Variants in MROH1 observed in about 807,000 individuals in gnomAD.
The protein encoded by MROH1 is maestro heat-like repeat-containing protein family member 1.
Under a neutral mutation model 116.5 loss-of-function variants are expected in MROH1, and 117 were observed. The ratio of observed to expected loss-of-function variants is 1.00; its 90% CI spans 0.86 to 1.17. The LOEUF (loss-of-function observed/expected upper bound fraction) is 1.17. Ranked by LOEUF, MROH1 falls within the 50% of genes most tolerant of loss-of-function variation. The pLI, the probability that MROH1 is intolerant of heterozygous loss-of-function variation, is 0.00. For synonymous variants in MROH1, 921 were observed against 583.9 expected (o/e 1.58, Z -8.32); for missense variants, 1,873 against 1,338.5 (o/e 1.40, Z -6.23).
In MROH1 at chr8:144,232,792, CTATTTATTTATTTATT is replaced by C. The variant is rs113198206; in HGVS notation, c.1339-5930_1339-5915del. 5.1e-3 allele frequency among the ~76,000 whole-genome samples: 702 copies of C among 138,016 alleles called. 4 individuals are homozygous for C. The highest frequency in any genetic ancestry group is 7.9e-3 in the Non-Finnish European group (508 of 64,516). 90.5% of individuals were successfully genotyped at this position (138,016 alleles called of 152,430 possible). On this transcript the variant is annotated intron_variant, in intron 14 of 43. Transcript: ENST00000326134. The stretch of plus-strand genomic sequence containing the variant: ...ACAGGCGTGAGCCACCGCACCTGGC[CTATTTATTTATTTATT>C]TATTTATTTATTTATTTATTTATTT...
In MROH1 at chr8:144,235,988, T is replaced by C. The variant is rs1839973951; in HGVS notation, c.1339-2768T>C. Among the ~76,000 whole-genome samples the C allele has an allele frequency of 2.0e-5, 3 of 152,358 alleles. No individual in the cohort carries two copies. In the South Asian group the frequency reaches 6.2e-4, roughly 32 times the overall value. ...TCCAGATGTTGGAATCAGGAAATTC[T>C]ACATGGAGACCATAATGTCACCTGA... On this transcript the variant is annotated intron_variant, in intron 14 of 43. Coordinates refer to ENST00000326134, the MANE Select transcript of MROH1 (RefSeq NM_032450.3).
chr8:144,206,936 G>A (rs1301511007), intron 12 of MROH1, among the ~76,000 whole-genome samples: 1 of 151,206 alleles, frequency 6.6e-6, no homozygotes, highest in African/African-American at 2.4e-5. Context: ...TGGAGGCTGA[G>A]GCAGGAGAAT....
chr8:144,261,003 C>T lies in MROH1; in HGVS notation c.4633C>T (p.His1545Tyr), dbSNP rs1272005644. The change falls in exon 41 of 44, where the codon CAC becomes TAC. Residue 1545 changes from histidine to tyrosine, a missense_variant. Transcript: ENST00000326134. ...QKHLQEGRALHFGEFLNTTCK... is the reference protein window; with the variant it reads ...QKHLQEGRALYFGEFLNTTCK... The stretch of plus-strand genomic sequence containing the variant: ...ACACCTGCAGGAGGGCCGAGCCCTG[C>T]ACTTCGGGGAGTTCCTCAACACCAC... 7.8e-6 allele frequency: 6 copies of T among 773,394 alleles called. No homozygotes were observed. The highest frequency in any genetic ancestry group is 1.4e-5 in the Non-Finnish European group (6 of 416,002). The allele number at this position is 773,394 out of a possible 1,614,324, so 47.9% of individuals were successfully genotyped here. A position where few individuals can be genotyped will look rare whatever the true frequency, so the allele number is the denominator to read the frequency against.
rs1205994103 is a variant in MROH1 at position 144,250,326 on chromosome 8, G to A, written c.3388G>A (p.Val1130Met). ...YLLATQHCAA[V>M]VSSLLGSPLP... ...CCTGGCCACCCAGCACTGCGCAGCC[G>A]TGGTGTCCAGCCTCCTGGGCAGCCC... Residue 1130 changes from valine to methionine, a missense_variant, in exon 33 of 44, where the codon GTG becomes ATG. By Grantham distance (21) the Val-to-Met change is conservative (BLOSUM62 1). Coordinates refer to ENST00000326134, the MANE Select transcript of MROH1 (RefSeq NM_032450.3). 2.3e-5 allele frequency: 18 copies of A among 767,720 alleles called. No individual in the cohort carries two copies. The highest frequency in any genetic ancestry group is 2.5e-4 in the Middle Eastern group (1 of 4,060). 47.6% of individuals were successfully genotyped at this position (767,720 alleles called of 1,614,324 possible). A position where few individuals can be genotyped will look rare whatever the true frequency, so the allele number is the denominator to read the frequency against.
chr8:144,258,019 CCACT>C (rs1844232959), intron 35 of MROH1, among the ~76,000 whole-genome samples: 1 of 152,206 alleles, frequency 6.6e-6, no homozygotes, highest in African/African-American at 2.4e-5. Context: ...TACGCCCCAC[CCACT>C]GGCAGCCAGG....
At chr8:144,191,588 C>T in intron 8 of MROH1, 127 bp from the exon 9 acceptor site, 2 of 1,290,402 alleles carry the variant, frequency 1.5e-6, no homozygotes, top group Non-Finnish European at 2.1e-6. Flanking sequence ...GCTCACGTCC[C>T]AGCCCCCGTA....
At chr8:144,217,026 G>T (rs188759718) in intron 12 of MROH1, among the ~76,000 whole-genome samples, 130 of 152,254 alleles carry the variant, frequency 8.5e-4, no homozygotes, top group Admixed American at 1.9e-3. Flanking sequence ...TGTAAGAAAT[G>T]ATTGCTTATT....
At position 144,248,791 on chromosome 8, in the gene MROH1, C is replaced by T. The variant is rs1026439525; in HGVS notation, c.3121-86C>T. 4.0e-3 allele frequency: 2,869 copies of T among 725,432 alleles called. 36 individuals carry two copies. Among genetic ancestry groups the T allele is most frequent in the African/African-American group, 0.038 (2,168 of 57,564 alleles). The allele number at this position is 725,432 out of a possible 1,614,324, so 44.9% of individuals were successfully genotyped here. ...GAAGGGGTGTGGCTTCCCGCCCTAA[C>T]GCGAGCCCCTGAGACCCGATGCCTA... On this transcript the variant is annotated intron_variant, in intron 31 of 43. Transcript: ENST00000326134.
chr8:144,201,610 G>C (rs539027391), intron 12 of MROH1, among the ~76,000 whole-genome samples: 1 of 152,174 alleles, frequency 6.6e-6, no homozygotes, highest in African/African-American at 2.4e-5. Context: ...TTTCAGAAGC[G>C]GCGCACTGCC....
At chr8:144,192,838 TG>T in intron 10 of MROH1, 1 of 336,120 alleles carries the variant, frequency 3.0e-6, no homozygotes, top group Non-Finnish European at 5.8e-6. Flanking sequence ...GCTGAGCAGC[TG>T]GGGCAGCTGG....
At chr8:144,254,061 A>G (rs1843275704) in intron 33 of MROH1, among the ~76,000 whole-genome samples, 1 of 152,120 alleles carries the variant, frequency 6.6e-6, no homozygotes, top group Non-Finnish European at 1.5e-5. Flanking sequence ...TGCCTCTGGG[A>G]CATCCATCAA....
chr8:144,259,274 C>T lies in MROH1; in HGVS notation c.3964C>T (p.Leu1322=), dbSNP rs1844512922. ...TGAGCACGCAGGGCCCCGACTCCCCCTGGTGCTGAAGACGCTGGCATGCAC... is the reference window on the plus strand; with the variant it reads ...TGAGCACGCAGGGCCCCGACTCCCCTTGGTGCTGAAGACGCTGGCATGCAC... The part of the protein sequence containing the change: ...MAEHAGPRLP[L]VLKTLACTHS... The change falls in exon 37 of 44, where the codon CTG becomes TTG. Residue 1322 remains leucine (L), a synonymous_variant. Transcript: ENST00000326134. 2 of 714,804 alleles carry T rather than the reference C, an allele frequency of 2.8e-6. No individual in the cohort carries two copies. The highest frequency in any genetic ancestry group is 1.7e-5 in the African/African-American group (1 of 57,178). 44.3% of individuals were successfully genotyped at this position (714,804 alleles called of 1,614,324 possible).
chr8:144,225,910 G>GTTTTTTTTT (rs764956904), intron 14 of MROH1, among the ~76,000 whole-genome samples: 2 of 87,548 alleles, frequency 2.3e-5, no homozygotes, highest in African/African-American at 4.4e-5. Flanking sequence ...TTCATTTTTA[G>GTTTTTTTTT]TTTTTTTTTT....
At chr8:144,194,984 C>T (rs1829483610) in intron 10 of MROH1, among the ~76,000 whole-genome samples, 2 of 151,604 alleles carry the variant, frequency 1.3e-5, no homozygotes, top group African/African-American at 4.8e-5. Context: ...TTTTCTACAC[C>T]AGCACTGACC....
At chr8:144,178,636 C>T (rs577890046) in intron 4 of MROH1, among the ~76,000 whole-genome samples, 8 of 152,292 alleles carry the variant, frequency 5.3e-5, no homozygotes, top group East Asian at 1.9e-4. Context: ...GCCTCTGGGC[C>T]GCCCTGTGCC....
intron 10 of MROH1, among the ~76,000 whole-genome samples, chr8:144,195,038 A>G (rs1397727856): frequency 6.6e-6 from 1 of 150,978 alleles, no homozygotes; most frequent in Non-Finnish European, 1.5e-5. Context: ...AGCAACAGAA[A>G]CTTATTAACA....
intron 22 of MROH1, 34 bp from the exon 23 acceptor site, chr8:144,242,335 A>G: frequency 3.8e-6 from 3 of 780,536 alleles, no homozygotes; most frequent in South Asian, 2.7e-5. Context: ...GTAATTGTGT[A>G]ACTGAAGTCC....
intron 1 of MROH1, among the ~76,000 whole-genome samples, chr8:144,154,731 G>A (rs1176445574): frequency 6.8e-6 from 1 of 146,438 alleles, no homozygotes; most frequent in Non-Finnish European, 1.5e-5. Context: ...ACAATGGCAT[G>A]ATCTCAGCTT....
rs1056903365 is a variant in MROH1 at position 144,241,080 on chromosome 8, C to T, written c.2024C>T (p.Thr675Met). The change falls in exon 21 of 44, where the codon ACG becomes ATG. Residue 675 changes from threonine (T) to methionine (M), a missense_variant. By Grantham distance (81) the Thr-to-Met change is moderately conservative (BLOSUM62 -1). Transcript: ENST00000326134. ...VRKHLQELLE[T>M]ARYQEEAERE... ...AAGCACCTTCAAGAGCTGCTGGAGA[C>T]GGCCAGATACCAGGAGGAGGCAGAA... 7.6e-4 allele frequency: 587 copies of T among 773,956 alleles called. 4 individuals are homozygous for T. The highest frequency in any genetic ancestry group is 2.5e-4 in the Non-Finnish European group (102 of 415,116). 47.9% of individuals were successfully genotyped at this position (773,956 alleles called of 1,614,324 possible).
Sources: allele counts gnomAD v4.1 joint callset (sites outside exome capture counted in the v4.1 genomes callset), GRCh38; gene constraint gnomAD v4.1.1; transcripts MANE v1.5; gene names NCBI Gene and HGNC (gene_info 2026-07-23, HGNC 2026-07-21).